The following AIF1L variants were observed in gnomAD, a reference collection of about 807,000 sequenced individuals.
AIF1L encodes allograft inflammatory factor 1 like.
In AIF1L, 12 loss-of-function variants were observed where a neutral mutation model predicts 20.7. That is an observed-to-expected ratio of 0.58 (90% CI 0.37 to 0.94). The LOEUF (loss-of-function observed/expected upper bound fraction) is 0.94, where lower values mean the gene tolerates loss of function less well. Among genes scored for constraint, AIF1L ranks in the 40% least tolerant of loss-of-function variants. The probability of loss-of-function intolerance (pLI) is 0.01; values close to 1 mark genes in which losing one functional copy is unlikely to be tolerated. For synonymous variants in AIF1L, 76 were observed against 65.1 expected (o/e 1.17, Z -0.81); for missense variants, 173 against 185.3 (o/e 0.93, Z 0.39).
chr9:131,118,127 C>T (rs149005730), intron 5 of AIF1L, among the ~76,000 whole-genome samples: 1 of 152,148 alleles, frequency 6.6e-6, no homozygotes, highest in African/African-American at 2.4e-5. Flanking sequence ...GAGTCTTACT[C>T]TATTGCCCAG....
rs1831113415 is a variant in AIF1L at position 131,120,538 on chromosome 9, C to T, written c.*216C>T. 4.0e-6 allele frequency: 2 copies of T among 500,412 alleles called. No individual in the cohort carries two copies. Among genetic ancestry groups the T allele is most frequent in the Admixed American group, 7.7e-5 (2 of 25,874 alleles). The allele number at this position is 500,412 out of a possible 1,614,324, so 31.0% of individuals were successfully genotyped here. ...CCTTGGGTCCCCTCCCTCTCTTCTTCCCTCCTTCCCCGCTCCCTGTGCAGA... is the reference window on the plus strand; with the variant it reads ...CCTTGGGTCCCCTCCCTCTCTTCTTTCCTCCTTCCCCGCTCCCTGTGCAGA... On this transcript the variant is annotated 3_prime_UTR_variant, in exon 6 of 6. Transcript: ENST00000247291.
In AIF1L at chr9:131,096,784, C is replaced by A. The variant is rs1259039097; in HGVS notation, c.32-18C>A. 6 of 1,521,206 alleles carry A rather than the reference C, an allele frequency of 3.9e-6. No homozygotes were observed. Among genetic ancestry groups the A allele is most frequent in the Non-Finnish European group, 5.3e-6 (6 of 1,137,486 alleles). The allele number at this position is 1,521,206 out of a possible 1,614,324, so 94.2% of individuals were successfully genotyped here. A position where few individuals can be genotyped will look rare whatever the true frequency, so the allele number is the denominator to read the frequency against. On this transcript the variant is annotated intron_variant, in intron 1 of 5. Transcript: ENST00000247291. ...GAAGAGGACCCCGCTTCCCAGGCCG[C>A]CTCTTTGTCTCCTCCAGGAGGGAAG...
chr9:131,113,040 C>T (rs1401176027), intron 3 of AIF1L, among the ~76,000 whole-genome samples: 1 of 152,128 alleles, frequency 6.6e-6, no homozygotes, highest in Non-Finnish European at 1.5e-5. Context: ...AGGCAGCTCC[C>T]ACCCGGGAGC....
intron 3 of AIF1L, chr9:131,114,314 T>A: frequency 2.2e-6 from 1 of 461,420 alleles, no homozygotes; most frequent in Non-Finnish European, 4.0e-6. Flanking sequence ...AGAAAGCAGC[T>A]GCCCTCCTGG....
intron 1 of AIF1L, 58 bp from the exon 2 acceptor site, chr9:131,096,744 G>T (rs2478784): frequency 0.18 from 266,826 of 1,487,516 alleles, 26,637 homozygotes; most frequent in East Asian, 0.33. Context: ...GGGCGGGGAC[G>T]GGGGCGCGTG....
chr9:131,112,018 T>G, intron 3 of AIF1L: 1 of 262,066 alleles, frequency 3.8e-6, no homozygotes, highest in Non-Finnish European at 7.4e-6. Context: ...TGAGCAAGCC[T>G]TGCCTCTCCC....
chr9:131,112,705 G>A (rs1455057795), intron 3 of AIF1L, among the ~76,000 whole-genome samples: 2 of 152,132 alleles, frequency 1.3e-5, no homozygotes, highest in African/African-American at 2.4e-5. Flanking sequence ...GCTCTCAACT[G>A]TTACGCTATG....
intron 3 of AIF1L, 119 bp from the exon 4 acceptor site, chr9:131,114,458 G>T (rs1040439012): frequency 1.8e-6 from 2 of 1,110,494 alleles, no homozygotes; most frequent in Admixed American, 3.4e-5. Flanking sequence ...CCTTGGTAGG[G>T]TGCGGGAGGT....
intron 3 of AIF1L, among the ~76,000 whole-genome samples, chr9:131,112,946 A>T (rs1001687836): frequency 6.6e-6 from 1 of 152,098 alleles, no homozygotes; most frequent in Non-Finnish European, 1.5e-5. Context: ...AGGAAGTTAC[A>T]TCATTCACTC....
intron 2 of AIF1L, among the ~76,000 whole-genome samples, chr9:131,104,387 G>A (rs546543471): frequency 6.6e-6 from 1 of 152,206 alleles, no homozygotes; most frequent in Non-Finnish European, 1.5e-5. Context: ...TGGTTCCCTG[G>A]CCTCTGGAAT....
intron 3 of AIF1L, chr9:131,114,048 AC>A (rs1830952969): frequency 5.7e-6 from 1 of 174,044 alleles, no homozygotes; most frequent in Non-Finnish European, 1.2e-5. Flanking sequence ...TGGTCTGTGT[AC>A]CCCGGGAAAC....
rs1831171684 is a variant in AIF1L at position 131,122,832 on chromosome 9, G to C, written c.*2510G>C. The C allele has an allele frequency of 6.6e-6, 1 of 152,322 alleles. No homozygotes were observed. Among genetic ancestry groups the C allele is most frequent in the Non-Finnish European group, 1.5e-5 (1 of 68,114 alleles). The allele number at this position is 152,322 out of a possible 1,614,324, so 9.4% of individuals were successfully genotyped here. On this transcript the variant is annotated 3_prime_UTR_variant, in exon 6 of 6. Transcript: ENST00000247291. Reference sequence around the variant, plus strand: ...GAGACTCAACTCCTGGGAGGAGAGGGTCTCAAGAGTTGTCCCTGGAAGGAG... The same window carrying C: ...GAGACTCAACTCCTGGGAGGAGAGGCTCTCAAGAGTTGTCCCTGGAAGGAG...
At position 131,110,938 on chromosome 9, in the gene AIF1L, G is replaced by C. The variant is rs184836628; in HGVS notation, c.94-659G>C. 2.6e-3 allele frequency among the ~76,000 whole-genome samples: 401 copies of C among 152,028 alleles called. 4 individuals are homozygous for C. The highest frequency in any genetic ancestry group is 9.5e-3 in the African/African-American group (393 of 41,486). ...GCACTTTGGGAGTCTGAGGCGGAGG[G>C]GTGGGAGCGGGGGGATCAACTGAGG... On this transcript the variant is annotated intron_variant, in intron 2 of 5. Coordinates refer to ENST00000247291, the MANE Select transcript of AIF1L (RefSeq NM_031426.4).
At position 131,117,070 on chromosome 9, in the gene AIF1L, G is replaced by A. The variant is rs551216461; in HGVS notation, c.203-686G>A. 1.7e-3 allele frequency among the ~76,000 whole-genome samples: 262 copies of A among 151,920 alleles called. 1 individual carries two copies. Among genetic ancestry groups the A allele is most frequent in the African/African-American group, 5.1e-3 (213 of 41,392 alleles). ...CCTCAGATCTTGGTGGGAGCTGGGC[G>A]GTCAGAGACAGCACCGCCTCGGGCT... On this transcript the variant is annotated intron_variant, in intron 4 of 5. Coordinates refer to ENST00000247291, the MANE Select transcript of AIF1L (RefSeq NM_031426.4).
intron 2 of AIF1L, 73 bp downstream of exon 2, chr9:131,096,936 A>G: frequency 7.0e-7 from 1 of 1,437,444 alleles, no homozygotes; most frequent in Non-Finnish European, 9.2e-7. Context: ...TCCTTCCGCG[A>G]GGCCGTGCCC....
rs1211753467 is a variant in AIF1L at position 131,121,097 on chromosome 9, G to A, written c.*775G>A. On this transcript the variant is annotated 3_prime_UTR_variant, in exon 6 of 6. Transcript: ENST00000247291. ...TTGGGGGAAAGGTCAGCTCAGTGCT[G>A]TTCCACCTTTTAGGGAGGTTACTGA... 1.4e-6 allele frequency: 1 copy of A among 715,270 alleles called. No individual in the cohort carries two copies. Among genetic ancestry groups the A allele is most frequent in the East Asian group, 2.7e-5 (1 of 37,262 alleles). The allele number at this position is 715,270 out of a possible 1,614,324, so 44.3% of individuals were successfully genotyped here. A position where few individuals can be genotyped will look rare whatever the true frequency, so the allele number is the denominator to read the frequency against.
chr9:131,121,083 G>A lies in AIF1L; in HGVS notation c.*761G>A. 1.4e-6 allele frequency: 1 copy of A among 713,420 alleles called. No individual in the cohort carries two copies. The highest frequency in any genetic ancestry group is 1.5e-5 in the South Asian group (1 of 66,334). The allele number at this position is 713,420 out of a possible 1,614,324, so 44.2% of individuals were successfully genotyped here. ...TGAGGCCTGGGGTTTTGGGGGAAAGGTCAGCTCAGTGCTGTTCCACCTTTT... is the reference window on the plus strand; with the variant it reads ...TGAGGCCTGGGGTTTTGGGGGAAAGATCAGCTCAGTGCTGTTCCACCTTTT... On this transcript the variant is annotated 3_prime_UTR_variant, in exon 6 of 6. Coordinates refer to ENST00000247291, the MANE Select transcript of AIF1L (RefSeq NM_031426.4).
chr9:131,115,449 C>CAAAAA (rs746698091), intron 4 of AIF1L, among the ~76,000 whole-genome samples: 7 of 60,378 alleles, frequency 1.2e-4, no homozygotes, highest in South Asian at 1.1e-3. Context: ...GATTCTGTCT[C>CAAAAA]AAAAAAAAAA....
chr9:131,114,143 G>A lies in AIF1L; in HGVS notation c.161-434G>A, dbSNP rs117292906. Reference sequence around the variant, plus strand: ...CCCTGAATCAGTGGTTCCCACACCCGGTTGCCCATCAGAACTGCCTGGGAC... The same window carrying A: ...CCCTGAATCAGTGGTTCCCACACCCAGTTGCCCATCAGAACTGCCTGGGAC... On this transcript the variant is annotated intron_variant, in intron 3 of 5. Coordinates refer to ENST00000247291, the MANE Select transcript of AIF1L (RefSeq NM_031426.4). 9.5e-3 allele frequency: 1,756 copies of A among 185,156 alleles called. 15 individuals carry two copies. Among genetic ancestry groups the A allele is most frequent in the Non-Finnish European group, 0.013 (1,133 of 86,770 alleles). 11.5% of individuals were successfully genotyped at this position (185,156 alleles called of 1,614,324 possible). A position where few individuals can be genotyped will look rare whatever the true frequency, so the allele number is the denominator to read the frequency against.
Sources: gnomAD v4.1 joint callset for allele counts (sites outside exome capture counted in the v4.1 genomes callset) on GRCh38, gnomAD v4.1.1 for gene constraint, MANE v1.5 for transcripts, NCBI Gene and HGNC (gene_info 2026-07-23, HGNC 2026-07-21) for gene names.